Variants in SCRN1 observed in about 807,000 individuals in gnomAD.
The protein encoded by SCRN1 is secernin 1.
In SCRN1, 19 loss-of-function variants were observed where a neutral mutation model predicts 43.3. The observed-to-expected ratio is 0.44, with a 90% CI of 0.31 to 0.64. The LOEUF (loss-of-function observed/expected upper bound fraction) is 0.64. Ranked by LOEUF, SCRN1 falls within the 30% of genes least tolerant of loss-of-function variation. The probability of loss-of-function intolerance (pLI) is 0.09; values close to 1 mark genes in which losing one functional copy is unlikely to be tolerated. For missense variants in SCRN1, 447 were observed against 524.1 expected (o/e 0.85, Z 1.44); for synonymous variants, 183 against 188.9 (o/e 0.97, Z 0.26).
chr7:29,961,780 AC>A lies in SCRN1; in HGVS notation c.160-6421del, dbSNP rs1334556795. On this transcript the variant is annotated intron_variant, in intron 2 of 7. Coordinates refer to ENST00000242059, the MANE Select transcript of SCRN1 (RefSeq NM_014766.5). Reference sequence around the variant, plus strand: ...GGGCGGCTGGCCGGGCAGGGGGCTGACCCCCCCACCTCCCTCCCGGACGGAG... The same window carrying A: ...GGGCGGCTGGCCGGGCAGGGGGCTGACCCCCCACCTCCCTCCCGGACGGAG... Among the ~76,000 whole-genome samples the A allele has an allele frequency of 4.3e-5, 6 of 140,540 alleles. No homozygotes were observed. In the South Asian group the frequency reaches 7.5e-4, roughly 17 times the overall value. The allele number at this position is 140,540 out of a possible 152,430, so 92.2% of individuals were successfully genotyped here. A position where few individuals can be genotyped will look rare whatever the true frequency, so the allele number is the denominator to read the frequency against.
intron 5 of SCRN1, among the ~76,000 whole-genome samples, chr7:29,938,465 G>A (rs1214755458): frequency 6.6e-6 from 1 of 152,236 alleles, no homozygotes; most frequent in Non-Finnish European, 1.5e-5. Context: ...CCCCAAAACT[G>A]GCCATAAGCA....
At chr7:29,936,919 G>A (rs556653978) in intron 5 of SCRN1, among the ~76,000 whole-genome samples, 198 bp from the exon 6 acceptor site, 15 of 152,242 alleles carry the variant, frequency 9.9e-5, no homozygotes, top group South Asian at 2.1e-4. Context: ...GGTGGCAGGC[G>A]CCTGTAGTCC....
chr7:29,987,697 C>T (rs1452342939), intron 1 of SCRN1, among the ~76,000 whole-genome samples: 1 of 152,204 alleles, frequency 6.6e-6, no homozygotes, highest in Non-Finnish European at 1.5e-5. Context: ...CTTCCCATTG[C>T]TCGAAGTGTT....
chr7:29,983,852 A>G (rs1789067461), intron 1 of SCRN1, among the ~76,000 whole-genome samples: 1 of 152,198 alleles, frequency 6.6e-6, no homozygotes. Context: ...TTTGAAACTG[A>G]GATGAATAAG....
intron 4 of SCRN1, among the ~76,000 whole-genome samples, chr7:29,941,550 A>G (rs548415463): frequency 5.8e-4 from 89 of 152,318 alleles, no homozygotes; most frequent in Non-Finnish European, 1.0e-3. Context: ...GTGTGCACAC[A>G]TGCGTGTGAG....
At chr7:29,924,164 A>G (rs1462892592) in intron 7 of SCRN1, 49 bp from the exon 8 acceptor site, 2 of 1,563,942 alleles carry the variant, frequency 1.3e-6, no homozygotes, top group South Asian at 1.2e-5. Context: ...AGCAGGGGAC[A>G]TTGCAGCGGA....
intron 1 of SCRN1, among the ~76,000 whole-genome samples, chr7:29,986,270 A>T (rs1789149046): frequency 6.6e-6 from 1 of 152,254 alleles, no homozygotes; most frequent in Non-Finnish European, 1.5e-5. Context: ...CCATATTTGC[A>T]ATTTTATATT....
chr7:29,969,221 G>A (rs1788592343), intron 1 of SCRN1, 153 bp from the exon 2 acceptor site: 1 of 840,446 alleles, frequency 1.2e-6, no homozygotes, highest in Middle Eastern at 3.5e-4. Context: ...AAATGAAGGT[G>A]GGACGCCTGC....
Position 29,953,770 on chromosome 7 carries a change from G to A in SCRN1, c.341+1409C>T, listed in dbSNP as rs960164830. On this transcript the variant is annotated intron_variant, in intron 3 of 7. Transcript: ENST00000242059. ...GACCTCTCCATCAGGTGGCAGAGGA[G>A]TGAGTTCCCGAGACCACTGTCTAAA... Among the ~76,000 whole-genome samples the A allele has an allele frequency of 2.6e-5, 4 of 152,130 alleles. No individual in the cohort carries two copies. The East Asian group carries it at 5.8e-4, about 22-fold the overall frequency.
At chr7:29,933,599 T>C (rs1787229988) in intron 6 of SCRN1, among the ~76,000 whole-genome samples, 2 of 152,212 alleles carry the variant, frequency 1.3e-5, no homozygotes, top group African/African-American at 4.8e-5. Flanking sequence ...CATGTTGATG[T>C]GATGGAATTT....
rs1373697182 is a variant in SCRN1 at position 29,927,385 on chromosome 7, CAA to C, written c.906-755_906-754del. Among the ~76,000 whole-genome samples the C allele has an allele frequency of 1.7e-4, 21 of 124,034 alleles. No individual in the cohort carries two copies. In the South Asian group the frequency reaches 5.1e-3, roughly 30 times the overall value. 81.4% of individuals were successfully genotyped at this position (124,034 alleles called of 152,430 possible). ...ACCCACCCACACACACACACACACA[CAA>C]GAGCCACGCATATAAACAGCTGTGG... On this transcript the variant is annotated intron_variant, in intron 6 of 7. Coordinates refer to ENST00000242059, the MANE Select transcript of SCRN1 (RefSeq NM_014766.5).
chr7:29,945,046 T>C (rs1236737302), intron 3 of SCRN1, among the ~76,000 whole-genome samples: 1 of 152,198 alleles, frequency 6.6e-6, no homozygotes, highest in East Asian at 1.9e-4. Flanking sequence ...GAGACCTTAT[T>C]AGGAATGGGC....
At chr7:29,979,952 T>A (rs1309891893) in intron 1 of SCRN1, among the ~76,000 whole-genome samples, 1 of 152,172 alleles carries the variant, frequency 6.6e-6, no homozygotes, top group Admixed American at 6.5e-5. Context: ...AAGAAAACGA[T>A]TTACATAAGA....
intron 3 of SCRN1, chr7:29,947,327 A>C: frequency 1.9e-6 from 3 of 1,550,668 alleles, no homozygotes; most frequent in Non-Finnish European, 2.6e-6. Flanking sequence ...CATCTCACTG[A>C]GAAAGATGGG....
chr7:29,978,854 T>C (rs1404160074), intron 1 of SCRN1, among the ~76,000 whole-genome samples: 4 of 152,324 alleles, frequency 2.6e-5, no homozygotes, highest in African/African-American at 7.2e-5. Context: ...ACAGTCATAA[T>C]GAGAAATATG....
intron 2 of SCRN1, among the ~76,000 whole-genome samples, chr7:29,963,484 A>G (rs1454371491): frequency 1.3e-5 from 2 of 152,236 alleles, no homozygotes; most frequent in African/African-American, 4.8e-5. Flanking sequence ...TATTTGTTCA[A>G]GAAAAGGCAA....
At chr7:29,972,169 G>A (rs569008474) in intron 1 of SCRN1, among the ~76,000 whole-genome samples, 16 of 152,168 alleles carry the variant, frequency 1.1e-4, no homozygotes, top group Non-Finnish European at 2.2e-4. Flanking sequence ...TAGAATCTGG[G>A]CATCGGGGGA....
In SCRN1 at chr7:29,921,500, T is replaced by C. The variant is rs1262036202; in HGVS notation, c.*2457A>G. The C allele has an allele frequency of 6.6e-6, 1 of 151,750 alleles. No homozygotes were observed. Among genetic ancestry groups the C allele is most frequent in the Non-Finnish European group, 1.5e-5 (1 of 67,916 alleles). 9.4% of individuals were successfully genotyped at this position (151,750 alleles called of 1,614,324 possible). On this transcript the variant is annotated 3_prime_UTR_variant, in exon 8 of 8. Transcript: ENST00000242059. ...CCACATCAGCAGATTCTCTGCTCTC[T>C]TGTCGTCTTTCTCCACCCATCCCAA...
At chr7:29,960,456 T>C (rs1171496034) in intron 2 of SCRN1, among the ~76,000 whole-genome samples, 1 of 152,066 alleles carries the variant, frequency 6.6e-6, no homozygotes, top group East Asian at 1.9e-4. Context: ...ATGGAGACAA[T>C]ATTTATTACC....
Sources: gnomAD v4.1 joint callset for allele counts (sites outside exome capture counted in the v4.1 genomes callset) on GRCh38, gnomAD v4.1.1 for gene constraint, MANE v1.5 for transcripts, NCBI Gene and HGNC (gene_info 2026-07-23, HGNC 2026-07-21) for gene names.